PRKD1: variants seen among roughly 807,000 people sequenced by gnomAD.
PRKD1 encodes the protein serine/threonine-protein kinase D1.
PRKD1 carries 63 observed loss-of-function variants against 95.9 expected under a neutral mutation model. That is an observed-to-expected ratio of 0.66 (90% confidence interval 0.54 to 0.81). PRKD1 has a LOEUF of 0.81. Among genes scored for constraint, PRKD1 ranks in the 30% least tolerant of loss-of-function variants. The pLI, the probability that PRKD1 is intolerant of heterozygous loss-of-function variation, is 0.00. For synonymous variants in PRKD1, 425 were observed against 423.1 expected (o/e 1.00, Z -0.05); for missense variants, 1,048 against 1,165.3 (o/e 0.90, Z 1.47).
At chr14:29,726,373 T>A (rs112990888) in intron 1 of PRKD1, among the ~76,000 whole-genome samples, 6 of 152,332 alleles carry the variant, frequency 3.9e-5, no homozygotes, top group African/African-American at 1.4e-4. Context: ...ATTTATTATA[T>A]GAAAAGGGCC....
intron 4 of PRKD1, among the ~76,000 whole-genome samples, chr14:29,653,775 G>A (rs1881660457): frequency 6.6e-6 from 1 of 152,070 alleles, no homozygotes; most frequent in South Asian, 2.1e-4. Flanking sequence ...ATTAATAGAG[G>A]ATAACAGTCA....
At position 29,609,506 on chromosome 14, in the gene PRKD1, G is replaced by GCACACACACACACA. The variant is rs150570301; in HGVS notation, c.1906-9703_1906-9690dup. On this transcript the variant is annotated intron_variant, in intron 13 of 17. Transcript: ENST00000331968. ...CTAATCTATTTGTGTGTGTGTGCGT[G>GCACACACACACACA]CACACACACACACACACACACACAC... Among the ~76,000 whole-genome samples, 231 of 127,476 alleles carry GCACACACACACACA rather than the reference G, an allele frequency of 1.8e-3. 2 individuals carry two copies. The highest frequency in any genetic ancestry group is 4.1e-3 in the Middle Eastern group (1 of 244). 83.6% of individuals were successfully genotyped at this position (127,476 alleles called of 152,430 possible).
At chr14:29,609,399 T>C (rs1163091199) in intron 13 of PRKD1, among the ~76,000 whole-genome samples, 1 of 152,050 alleles carries the variant, frequency 6.6e-6, no homozygotes, top group African/African-American at 2.4e-5. Context: ...TTGTGCATTC[T>C]ATTAAGTAAA....
At chr14:29,798,360 A>G (rs1453147870) in intron 1 of PRKD1, among the ~76,000 whole-genome samples, 2 of 152,204 alleles carry the variant, frequency 1.3e-5, no homozygotes, top group African/African-American at 2.4e-5. Context: ...AATTCCACAC[A>G]TGGCAATGTA....
chr14:29,729,242 G>T (rs1258344091), intron 1 of PRKD1, among the ~76,000 whole-genome samples: 2 of 152,096 alleles, frequency 1.3e-5, no homozygotes, highest in African/African-American at 4.8e-5. Context: ...GATTTGTACA[G>T]ACTTGGTATT....
At chr14:29,729,186 G>A (rs879739956) in intron 1 of PRKD1, among the ~76,000 whole-genome samples, 1 of 151,946 alleles carries the variant, frequency 6.6e-6, no homozygotes. Context: ...GTTTTGAATA[G>A]GGCAAAATAT....
Position 29,640,887 on chromosome 14 carries a change from C to T in PRKD1, c.697-1983G>A, listed in dbSNP as rs568170416. ...TTAATTTAAGATACCTAATTGTAGG[C>T]TGTGCTAACAGAGCCAGTTTGACAT... On this transcript the variant is annotated intron_variant, in intron 4 of 17. Transcript: ENST00000331968. 4.6e-5 allele frequency among the ~76,000 whole-genome samples: 7 copies of T among 152,274 alleles called. No individual in the cohort carries two copies. In the South Asian group the frequency reaches 1.5e-3, roughly 32 times the overall value.
intron 2 of PRKD1, among the ~76,000 whole-genome samples, chr14:29,703,734 AC>A (rs1475828289): frequency 6.6e-6 from 1 of 152,172 alleles, no homozygotes; most frequent in African/African-American, 2.4e-5. Context: ...CTTTGGGGTG[AC>A]AACTAATCAG....
At chr14:29,709,436 A>G (rs1358766528) in intron 2 of PRKD1, among the ~76,000 whole-genome samples, 4 of 152,154 alleles carry the variant, frequency 2.6e-5, no homozygotes, top group African/African-American at 7.2e-5. Context: ...GGGGCACACA[A>G]AGGTTTTTCA....
intron 1 of PRKD1, among the ~76,000 whole-genome samples, chr14:29,910,788 A>G (rs1037611799): frequency 6.6e-6 from 1 of 152,158 alleles, no homozygotes; most frequent in Non-Finnish European, 1.5e-5. Flanking sequence ...ACTGATAGAA[A>G]TAGGGTTCTG....
At chr14:29,598,907 G>T (rs1262441810) in intron 15 of PRKD1, 120 bp downstream of exon 15, 5 of 870,242 alleles carry the variant, frequency 5.7e-6, no homozygotes, top group African/African-American at 5.1e-5. Flanking sequence ...AATAAAAATG[G>T]ATAGAAAACA....
intron 1 of PRKD1, among the ~76,000 whole-genome samples, chr14:29,853,915 T>C (rs1402191666): frequency 6.6e-6 from 1 of 152,216 alleles, no homozygotes; most frequent in East Asian, 1.9e-4. Context: ...GCCACCCATG[T>C]AAGATGTAAC....
Position 29,616,243 on chromosome 14 carries a change from C to CAAAAAAAAAAAA in PRKD1, c.1905+7897_1905+7908dup, listed in dbSNP as rs72142312. ...GAGCCTTAGAAATCAAGAGTATGGC[C>CAAAAAAAAAAAA]AAAAAAAAAAAAAAAAAAAAAAGCC... is the stretch of plus-strand genomic sequence containing the variant. On this transcript the variant is annotated intron_variant, in intron 13 of 17. Coordinates refer to ENST00000331968, the MANE Select transcript of PRKD1 (RefSeq NM_002742.3). Among the ~76,000 whole-genome samples, 2 of 33,966 alleles carry CAAAAAAAAAAAA rather than the reference C, an allele frequency of 5.9e-5. 1 individual carries two copies. Among genetic ancestry groups the CAAAAAAAAAAAA allele is most frequent in the Non-Finnish European group, 9.6e-5 (2 of 20,780 alleles). The allele number at this position is 33,966 out of a possible 152,430, so 22.3% of individuals were successfully genotyped here. A position where few individuals can be genotyped will look rare whatever the true frequency, so the allele number is the denominator to read the frequency against.
intron 1 of PRKD1, among the ~76,000 whole-genome samples, chr14:29,813,918 C>T (rs1890591808): frequency 6.6e-6 from 1 of 152,166 alleles, no homozygotes; most frequent in South Asian, 2.1e-4. Context: ...ATTAGTTTTG[C>T]CACTGCTACC....
At chr14:29,686,702 T>C (rs1166316962) in intron 2 of PRKD1, among the ~76,000 whole-genome samples, 1 of 152,234 alleles carries the variant, frequency 6.6e-6, no homozygotes, top group Non-Finnish European at 1.5e-5. Flanking sequence ...TAGACTGCTC[T>C]ATACTTCAGT....
At chr14:29,644,084 C>G (rs1234278435) in intron 4 of PRKD1, among the ~76,000 whole-genome samples, 1 of 152,118 alleles carries the variant, frequency 6.6e-6, no homozygotes, top group Admixed American at 6.5e-5. Flanking sequence ...TGTATGTTTT[C>G]AAGAAGTAAA....
chr14:29,859,240 G>T (rs1892617071), intron 1 of PRKD1, among the ~76,000 whole-genome samples: 1 of 152,126 alleles, frequency 6.6e-6, no homozygotes, highest in African/African-American at 2.4e-5. Context: ...GGGAGGCCGA[G>T]GCGGGTGGAT....
chr14:29,820,432 G>A (rs181386891), intron 1 of PRKD1, among the ~76,000 whole-genome samples: 4 of 152,298 alleles, frequency 2.6e-5, no homozygotes, highest in East Asian at 1.9e-4. Flanking sequence ...GAATAGATGA[G>A]ACCAAACATT....
At chr14:29,860,338 T>C (rs968111098) in intron 1 of PRKD1, among the ~76,000 whole-genome samples, 11 of 152,282 alleles carry the variant, frequency 7.2e-5, no homozygotes, top group South Asian at 2.1e-4. Context: ...AAATCCAAAC[T>C]AAATCACATC....
Sources: gnomAD v4.1 joint callset for allele counts (sites outside exome capture counted in the v4.1 genomes callset) on GRCh38, gnomAD v4.1.1 for gene constraint, MANE v1.5 for transcripts, NCBI Gene and HGNC (gene_info 2026-07-23, HGNC 2026-07-21) for gene names.